The following CFAP99 variants were observed in gnomAD, a reference collection of about 807,000 sequenced individuals.
CFAP99 encodes the protein cilia- and flagella-associated protein 99.
Under a neutral mutation model 82.7 loss-of-function variants are expected in CFAP99, and 84 were observed. That is an observed-to-expected ratio of 1.02 (90% CI 0.85 to 1.22). The LOEUF is 1.22. Among genes scored for constraint, CFAP99 ranks in the 50% most tolerant of loss-of-function variants. CFAP99 has a pLI of 0.00. For missense variants in CFAP99, 1,059 were observed against 983.5 expected (o/e 1.08, Z -1.03); for synonymous variants, 456 against 429.5 (o/e 1.06, Z -0.76).
chr4:2,460,369 C>T, intron 14 of CFAP99, 127 bp downstream of exon 14: 5 of 794,578 alleles, frequency 6.3e-6, no homozygotes, highest in South Asian at 4.9e-5. Context: ...GTTCCCTTGC[C>T]GTAACTCCCC....
At chr4:2,443,135 C>T in exon 5 of CFAP99, 1 of 1,531,836 alleles carries the variant, frequency 6.5e-7, no homozygotes, top group Non-Finnish European at 8.7e-7. Flanking sequence ...CCCAGTTCCT[C>T]AGGTTCTTCT....
At chr4:2,462,961 A>AC, downstream of CFAP99, 2 of 1,119,034 alleles carry the variant, frequency 1.8e-6, no homozygotes, top group South Asian at 3.2e-5. This position sits in a 1 kb window ranked among gnomAD's most constrained non-coding sequence, Gnocchi z 4.1. Flanking sequence ...CTTGCGGGCC[A>AC]CCCCCTACAC....
At chr4:2,460,377 C>T in intron 14 of CFAP99, 135 bp downstream of exon 14, 2 of 736,592 alleles carry the variant, frequency 2.7e-6, no homozygotes, top group South Asian at 3.4e-5. Context: ...GCCGTAACTC[C>T]CCTGACCCCT....
At position 2,450,293 on chromosome 4, in the gene CFAP99, T is replaced by A. The variant is rs1734274036; in HGVS notation, c.795+288T>A. On this transcript the variant is annotated intron_variant, in intron 8 of 14. Transcript: ENST00000635017. ...TCTCCAGATGTTCCGTGACAAGCATTTCATGTCTCTGTAAGGAAAAAACAA... is the reference window on the plus strand; with the variant it reads ...TCTCCAGATGTTCCGTGACAAGCATATCATGTCTCTGTAAGGAAAAAACAA... 21 of 471,742 alleles carry A rather than the reference T, an allele frequency of 4.5e-5. No individual in the cohort carries two copies. In the South Asian group the frequency reaches 5.5e-4, roughly 12 times the overall value. 29.2% of individuals were successfully genotyped at this position (471,742 alleles called of 1,614,324 possible).
chr4:2,421,019 G>T (rs1331290110), intron 1 of CFAP99, among the ~76,000 whole-genome samples: 1 of 152,192 alleles, frequency 6.6e-6, no homozygotes, highest in Non-Finnish European at 1.5e-5. Flanking sequence ...GGCAGCAGTA[G>T]ACCCAGCTAA....
intron 1 of CFAP99, among the ~76,000 whole-genome samples, chr4:2,419,967 T>C (rs1733523799): frequency 6.6e-6 from 1 of 152,088 alleles, no homozygotes; most frequent in Non-Finnish European, 1.5e-5. Context: ...AAGTCATCCT[T>C]GACCTTGATG....
At chr4:2,450,474 G>A (rs545913779) in intron 8 of CFAP99, 5 of 275,166 alleles carry the variant, frequency 1.8e-5, no homozygotes, top group East Asian at 9.4e-5. Context: ...TGCATGCCGC[G>A]GGGCTGCAAT....
chr4:2,454,593 T>TTCTTTTTTTTTTTTTTG (rs1734382512), intron 11 of CFAP99, among the ~76,000 whole-genome samples: 2 of 110,622 alleles, frequency 1.8e-5, no homozygotes, highest in South Asian at 3.0e-4. Context: ...TTTTTTTTTT[T>TTCTTTTTTTTTTTTTTG]GTTTTTTTTT....
At chr4:2,436,496 C>T (rs185443395) in intron 2 of CFAP99, among the ~76,000 whole-genome samples, 1 of 152,278 alleles carries the variant, frequency 6.6e-6, no homozygotes, top group Admixed American at 6.5e-5. Context: ...GCTTTTCATC[C>T]GAGCGAACTG....
At chr4:2,443,171 G>T in exon 5 of CFAP99, 1 of 1,535,670 alleles carries the variant, frequency 6.5e-7, no homozygotes, top group African/African-American at 1.4e-5. Context: ...TGTGCTCATG[G>T]ATCAAGGATG....
intron 1 of CFAP99, among the ~76,000 whole-genome samples, chr4:2,419,841 T>C (rs55835040): frequency 0.17 from 25,379 of 152,008 alleles, 2,359 homozygotes; most frequent in African/African-American, 0.25. Context: ...GTCGACCCTC[T>C]GAAGGGCAAA....
chr4:2,456,738 CG>C (rs754985914), intron 11 of CFAP99, among the ~76,000 whole-genome samples: 4 of 151,700 alleles, frequency 2.6e-5, no homozygotes, highest in Non-Finnish European at 5.9e-5. Flanking sequence ...AGGCTGGTCT[CG>C]AACTCCCGAT....
intron 2 of CFAP99, among the ~76,000 whole-genome samples, chr4:2,431,574 A>T (rs73793585): frequency 0.02 from 3,105 of 152,114 alleles, 107 homozygotes; most frequent in African/African-American, 0.069. Context: ...TATGAGAGTA[A>T]TTGGCTCTCG....
chr4:2,457,651 C>T (rs942754741), intron 11 of CFAP99, among the ~76,000 whole-genome samples: 1 of 151,978 alleles, frequency 6.6e-6, no homozygotes, highest in African/African-American at 2.4e-5. Flanking sequence ...AAACCCTCTC[C>T]TTACTGTGAG....
At chr4:2,434,201 CCAGCGG>C (rs1733861880) in intron 2 of CFAP99, among the ~76,000 whole-genome samples, 1 of 152,166 alleles carries the variant, frequency 6.6e-6, no homozygotes, top group South Asian at 2.1e-4. Context: ...CGGGAAAGGC[CCAGCGG>C]CAGCAGGATC....
intron 4 of CFAP99, among the ~76,000 whole-genome samples, chr4:2,442,598 C>T (rs1734069383): frequency 6.6e-6 from 1 of 152,184 alleles, no homozygotes; most frequent in African/African-American, 2.4e-5. Context: ...CCCAAGACCA[C>T]CATTCAGGAT....
chr4:2,425,932 C>T (rs1733673058), intron 1 of CFAP99, among the ~76,000 whole-genome samples: 2 of 152,136 alleles, frequency 1.3e-5, no homozygotes, highest in African/African-American at 4.8e-5. Flanking sequence ...CCCCAGGGAC[C>T]CCAGGCTCCT....
At chr4:2,429,792 T>C (rs549208526) in intron 2 of CFAP99, among the ~76,000 whole-genome samples, 13 of 152,216 alleles carry the variant, frequency 8.5e-5, no homozygotes, top group Admixed American at 3.3e-4. Flanking sequence ...GGGGTTTCAC[T>C]GTGTTAGCCA....
At chr4:2,441,473 AG>A (rs1180377322) in intron 4 of CFAP99, among the ~76,000 whole-genome samples, 1 of 152,032 alleles carries the variant, frequency 6.6e-6, no homozygotes, top group Non-Finnish European at 1.5e-5. Flanking sequence ...CGGCCTGCAG[AG>A]CCCCAAAGCG....
Sources: allele counts gnomAD v4.1 joint callset (sites outside exome capture counted in the v4.1 genomes callset), GRCh38; gene constraint gnomAD v4.1.1; non-coding constraint Gnocchi (gnomAD v3.1); transcripts MANE v1.5; gene names NCBI Gene and HGNC (gene_info 2026-07-23, HGNC 2026-07-21).